The following RBL2 variants were observed in gnomAD, a reference collection of about 807,000 sequenced individuals.
RBL2 encodes RB transcriptional corepressor like 2.
In RBL2, 56 loss-of-function variants were observed where a neutral mutation model predicts 126.0. That is an observed-to-expected ratio of 0.44 (90% CI 0.36 to 0.56). RBL2 has a LOEUF of 0.56. Ranked by LOEUF, RBL2 falls within the 20% of genes least tolerant of loss-of-function variation. The pLI is 0.00. For missense variants in RBL2, 1,229 were observed against 1,398.2 expected (o/e 0.88, Z 1.93); for synonymous variants, 454 against 478.5 (o/e 0.95, Z 0.67).
intron 21 of RBL2, among the ~76,000 whole-genome samples, chr16:53,486,165 G>GT (rs1961167211): frequency 6.6e-6 from 1 of 150,830 alleles, no homozygotes; most frequent in Non-Finnish European, 1.5e-5. Context: ...GGTGGGGTTG[G>GT]TGAGGTGTGC....
chr16:53,479,863 C>G (rs374592872), intron 18 of RBL2, 23 bp from the exon 19 acceptor site: 3 of 1,487,152 alleles, frequency 2.0e-6, no homozygotes, highest in Non-Finnish European at 2.8e-6. Flanking sequence ...AGTTTATGTC[C>G]CCTTCTCATT....
chr16:53,434,476 A>ACGGG lies in RBL2; in HGVS notation c.-74_-71dup. 1.6e-6 allele frequency: 2 copies of ACGGG among 1,288,586 alleles called. No homozygotes were observed. Among genetic ancestry groups the ACGGG allele is most frequent in the Non-Finnish European group, 2.0e-6 (2 of 1,012,306 alleles). 79.8% of individuals were successfully genotyped at this position (1,288,586 alleles called of 1,614,324 possible). Reference sequence around the variant, plus strand: ...GGCGCAGGCGCGGTGCGGGCGGCGGACGGGCGGGCGCTTCGCCGTTTGAAT... The same window carrying ACGGG: ...GGCGCAGGCGCGGTGCGGGCGGCGGACGGGCGGGCGGGCGCTTCGCCGTTTGAAT... On this transcript the variant is annotated 5_prime_UTR_variant, in exon 1 of 22. Transcript: ENST00000262133.
At chr16:53,436,779 C>CT (rs2153137109) in intron 1 of RBL2, among the ~76,000 whole-genome samples, 2 of 152,314 alleles carry the variant, frequency 1.3e-5, no homozygotes, top group African/African-American at 4.8e-5. Flanking sequence ...GTTATAGCTA[C>CT]TGTATGGCAG....
At chr16:53,489,318 TG>T (rs1961303157) in intron 21 of RBL2, 1 of 152,232 alleles carries the variant, frequency 6.6e-6, no homozygotes, top group Non-Finnish European at 1.5e-5. Flanking sequence ...TCTCTACTTT[TG>T]TATGTTTACA....
intron 3 of RBL2, 50 bp downstream of exon 3, chr16:53,442,908 G>GAATATCAACAC: frequency 7.6e-7 from 1 of 1,315,034 alleles, no homozygotes; most frequent in Non-Finnish European, 1.0e-6. Flanking sequence ...CTGTGCTGCA[G>GAATATCAACAC]TGTTGATATT....
At position 53,470,055 on chromosome 16, in the gene RBL2, T is replaced by C; in HGVS notation, c.2115T>C (p.Asn705=). Residue 705 remains asparagine (N), a synonymous_variant, in exon 15 of 22, where the codon AAT becomes AAC. Transcript: ENST00000262133. ...PGRMPPQPLV[N]AVPVQNVSGE... is the part of the protein sequence containing the mutation. Reference sequence around the variant, plus strand: ...GCATGCCCCCACAGCCCCTAGTCAATGCTGTCCCTGTGCAGAATGTATCTG... The same window carrying C: ...GCATGCCCCCACAGCCCCTAGTCAACGCTGTCCCTGTGCAGAATGTATCTG... 1 of 1,614,234 alleles carries C rather than the reference T, an allele frequency of 6.2e-7. No individual in the cohort carries two copies. Among genetic ancestry groups the C allele is most frequent in the Non-Finnish European group, 8.5e-7 (1 of 1,180,022 alleles).
intron 21 of RBL2, among the ~76,000 whole-genome samples, chr16:53,483,091 G>GA (rs1428413503): frequency 6.6e-6 from 1 of 152,100 alleles, no homozygotes; most frequent in Non-Finnish European, 1.5e-5. Context: ...AGACTGTGCT[G>GA]AAAGTATTCA....
At chr16:53,479,030 C>T in intron 17 of RBL2, 124 bp from the exon 18 acceptor site, 1 of 731,880 alleles carries the variant, frequency 1.4e-6, no homozygotes, top group Admixed American at 2.4e-5. Context: ...ATACCATTTC[C>T]AGAGACTTTA....
intron 7 of RBL2, 102 bp from the exon 8 acceptor site, chr16:53,454,553 CA>C: frequency 8.7e-7 from 1 of 1,150,044 alleles, no homozygotes; most frequent in South Asian, 1.7e-5. Context: ...GTTTAACTTT[CA>C]AAAAACTATT....
chr16:53,483,602 A>G (rs1961042500), intron 21 of RBL2, among the ~76,000 whole-genome samples: 1 of 152,154 alleles, frequency 6.6e-6, no homozygotes, highest in Non-Finnish European at 1.5e-5. Flanking sequence ...TAGAAAATGT[A>G]ATAATGGGCC....
At chr16:53,480,527 GCAGCCTTTGTACTGA>G (rs760237675) in intron 19 of RBL2, 25 bp from the exon 20 acceptor site, 3 of 1,539,034 alleles carry the variant, frequency 1.9e-6, no homozygotes, top group Non-Finnish European at 1.8e-6. Context: ...GTCAATATTA[GCAGCCTTTGTACTGA>G]CAGCCTTTGT....
chr16:53,451,642 T>G, intron 4 of RBL2, 61 bp from the exon 5 acceptor site: 1 of 1,552,790 alleles, frequency 6.4e-7, no homozygotes, highest in East Asian at 2.3e-5. Flanking sequence ...AGGAAGAAAT[T>G]TTTTAAAAAT....
At position 53,481,759 on chromosome 16, in the gene RBL2, T is replaced by C; in HGVS notation, c.3173T>C (p.Ile1058Thr). The C allele has an allele frequency of 6.3e-7, 1 of 1,595,740 alleles. No homozygotes were observed. The highest frequency in any genetic ancestry group is 8.6e-7 in the Non-Finnish European group (1 of 1,163,374). Residue 1058 changes from isoleucine to threonine, a missense_variant, in exon 21 of 22, where the codon ATT (isoleucine) becomes ACT (threonine). Ile to Thr is a moderately conservative substitution (Grantham distance 89). Around this residue, in one of 2 missense-constraint regions of RBL2, gnomAD observed 1,070 missense variants for 1,274.3 expected, o/e 0.84. Coordinates refer to ENST00000262133, the MANE Select transcript of RBL2 (RefSeq NM_005611.4). ...TTGTCTCAAAATCATCCTGTCTACA[T>C]TTCCCCACATAAAAATGAAACAATG... ...IQLSQNHPVY[I>T]SPHKNETMLS...
intron 17 of RBL2, among the ~76,000 whole-genome samples, chr16:53,477,505 C>T (rs1192648849): frequency 2.6e-5 from 4 of 151,900 alleles, no homozygotes; most frequent in South Asian, 2.1e-4. Context: ...CCACCATGCC[C>T]GGCTGATTTT....
In RBL2 at chr16:53,453,584, C is replaced by G. The variant is rs1454341915; in HGVS notation, c.899C>G (p.Pro300Arg). The G allele has an allele frequency of 8.7e-6, 14 of 1,611,340 alleles. No individual in the cohort carries two copies. Among genetic ancestry groups the G allele is most frequent in the South Asian group, 1.1e-5 (1 of 90,396 alleles). ...GGGATAAAGGAACATTTCTGGAAAC[C>G]CTATATTAGGAAACTTTATGAAAAA... ...AKGIKEHFWK[P>R]YIRKLYEKKL... is the part of the protein sequence containing the mutation. The change falls in exon 6 of 22, where the codon CCC (proline) becomes CGC (arginine). Residue 300 changes from proline to arginine, a missense_variant. By Grantham distance (103) the Pro-to-Arg change is moderately radical (BLOSUM62 -2). This residue lies in a region of RBL2 where 1,070 missense variants were observed against 1,274.3 expected (regional missense o/e 0.84). Transcript: ENST00000262133.
intron 17 of RBL2, among the ~76,000 whole-genome samples, chr16:53,475,785 T>C (rs745806463): frequency 1.4e-4 from 21 of 151,666 alleles, no homozygotes; most frequent in Middle Eastern, 6.8e-3. Context: ...CCAAATCCTT[T>C]ACGTAGATAT....
intron 9 of RBL2, among the ~76,000 whole-genome samples, chr16:53,460,274 T>C (rs1211775036): frequency 6.6e-6 from 1 of 152,250 alleles, no homozygotes; most frequent in African/African-American, 2.4e-5. Context: ...CCTTATGATA[T>C]GATAACGTAG....
In RBL2 at chr16:53,454,687, G is replaced by A; in HGVS notation, c.1024G>A (p.Val342Ile). The A allele has an allele frequency of 1.9e-6, 3 of 1,613,856 alleles. No homozygotes were observed. The highest frequency in any genetic ancestry group is 2.5e-6 in the Non-Finnish European group (3 of 1,179,758). ...KAINKAYEEY[V>I]LSVGNLDERI... Reference sequence around the variant, plus strand: ...CATCAATAAGGCCTATGAGGAGTATGTTTTATCTGTTGGGAATTTAGATGA... The same window carrying A: ...CATCAATAAGGCCTATGAGGAGTATATTTTATCTGTTGGGAATTTAGATGA... The change falls in exon 8 of 22, where the codon GTT (valine) becomes ATT (isoleucine). Residue 342 changes from valine (V) to isoleucine (I), a missense_variant. Physicochemically the swap from Val to Ile is conservative, Grantham distance 29. This residue lies in a region of RBL2 where 1,070 missense variants were observed against 1,274.3 expected (regional missense o/e 0.84). Transcript: ENST00000262133.
intron 14 of RBL2, among the ~76,000 whole-genome samples, chr16:53,469,068 A>G (rs2058296199): frequency 1.3e-5 from 2 of 152,186 alleles, no homozygotes; most frequent in South Asian, 4.1e-4. Context: ...CATCTCTACT[A>G]AAAATACAAA....
Sources: gnomAD v4.1 joint callset for allele counts (sites outside exome capture counted in the v4.1 genomes callset) on GRCh38, gnomAD v4.1.1 for gene constraint, gnomAD v4.1.1 regional missense constraint, MANE v1.5 for transcripts, NCBI Gene and HGNC (gene_info 2026-07-23, HGNC 2026-07-21) for gene names.